NLGN1: variants seen among roughly 807,000 people sequenced by gnomAD.
NLGN1 encodes the protein neuroligin-1.
NLGN1 carries 12 observed loss-of-function variants against 65.5 expected under a neutral mutation model. The observed-to-expected ratio is 0.18, with a 90% confidence interval of 0.12 to 0.30. The LOEUF (loss-of-function observed/expected upper bound fraction) is 0.30, where lower values mean the gene tolerates loss of function less well. Among genes scored for constraint, NLGN1 ranks in the 10% least tolerant of loss-of-function variants. The pLI is 1.00. For synonymous variants in NLGN1, 350 were observed against 359.5 expected, an observed-to-expected ratio of 0.97 and a Z score of 0.30; for missense variants, 750 against 1,007.1, an observed-to-expected ratio of 0.74 and a Z score of 3.46.
chr3:173,868,730 G>A (rs776353586), intron 4 of NLGN1, among the ~76,000 whole-genome samples: 18 of 152,080 alleles, frequency 1.2e-4, no homozygotes, highest in Non-Finnish European at 1.3e-4. Context: ...GACTTTACTG[G>A]GGCCCTATCT....
chr3:173,813,184 G>C (rs1412970494), intron 4 of NLGN1, among the ~76,000 whole-genome samples: 2 of 152,022 alleles, frequency 1.3e-5, no homozygotes, highest in African/African-American at 2.4e-5. Flanking sequence ...ATGATTTAAA[G>C]AGCAAAGCAT....
the NLGN1 span, among the ~76,000 whole-genome samples, chr3:174,293,764 T>C: frequency 6.6e-6 from 1 of 151,056 alleles, no homozygotes; most frequent in Non-Finnish European, 1.5e-5. Flanking sequence ...AGCTGGGGAG[T>C]TGTAGAAAGA....
At chr3:173,709,497 A>G (rs1768578179) in intron 3 of NLGN1, among the ~76,000 whole-genome samples, 2 of 152,134 alleles carry the variant, frequency 1.3e-5, no homozygotes, top group Non-Finnish European at 2.9e-5. Flanking sequence ...GTATCTAGGA[A>G]AGCATAAGAA....
At chr3:173,670,533 A>G (rs1762314971) in intron 3 of NLGN1, among the ~76,000 whole-genome samples, 1 of 152,098 alleles carries the variant, frequency 6.6e-6, no homozygotes, top group African/African-American at 2.4e-5. Flanking sequence ...TTTTTTTCAG[A>G]AGTTCTATAA....
chr3:173,688,967 T>C (rs1038855503), intron 3 of NLGN1, among the ~76,000 whole-genome samples: 1 of 152,226 alleles, frequency 6.6e-6, no homozygotes, highest in Non-Finnish European at 1.5e-5. Context: ...TGTCTGCATT[T>C]AGTCACCTTC....
chr3:174,291,530 G>A (rs1345314157), downstream of NLGN1, among the ~76,000 whole-genome samples: 3 of 151,156 alleles, frequency 2.0e-5, no homozygotes, highest in Non-Finnish European at 3.0e-5. Flanking sequence ...AGACTCTTTT[G>A]TTATATAATT....
chr3:174,247,711 C>A (rs1223973991), intron 4 of NLGN1, among the ~76,000 whole-genome samples: 1 of 152,256 alleles, frequency 6.6e-6, no homozygotes, highest in South Asian at 2.1e-4. Context: ...CCCAAGCCAA[C>A]AAACAGTCCA....
intron 4 of NLGN1, among the ~76,000 whole-genome samples, chr3:173,918,757 A>T (rs775507099): frequency 4.9e-5 from 7 of 142,214 alleles, no homozygotes; most frequent in Non-Finnish European, 1.1e-4. Context: ...TATTGCCTTT[A>T]TTGAGTGTAT....
At chr3:173,659,275 G>A (rs4630967) in intron 3 of NLGN1, among the ~76,000 whole-genome samples, 2,848 of 152,078 alleles carry the variant, frequency 0.019, 97 homozygotes, top group African/African-American at 0.063. Flanking sequence ...ATACTCAATG[G>A]TGATGTATAA....
At chr3:173,849,291 G>A (rs142277400) in intron 4 of NLGN1, among the ~76,000 whole-genome samples, 62 of 151,968 alleles carry the variant, frequency 4.1e-4, no homozygotes, top group African/African-American at 1.4e-3. Flanking sequence ...ATTCATATTG[G>A]TTAGTCACCT....
At chr3:173,461,683 T>TC (rs58379117) in intron 2 of NLGN1, among the ~76,000 whole-genome samples, 25,275 of 152,128 alleles carry the variant, frequency 0.17, 2,172 homozygotes, top group Middle Eastern at 0.26. Context: ...TTGAATCATG[T>TC]CCGGTTACTC....
intron 3 of NLGN1, among the ~76,000 whole-genome samples, chr3:173,687,030 G>C (rs1764791205): frequency 6.6e-6 from 1 of 152,156 alleles, no homozygotes; most frequent in Non-Finnish European, 1.5e-5. Context: ...AAGTATCCAG[G>C]AGGAGTGGTT....
chr3:173,999,823 G>A (rs1251628565), intron 4 of NLGN1, among the ~76,000 whole-genome samples: 1 of 152,106 alleles, frequency 6.6e-6, no homozygotes, highest in Non-Finnish European at 1.5e-5. Context: ...CCCTTGAAGA[G>A]TGAAAACATG....
At chr3:173,748,685 T>C (rs1295496134) in intron 3 of NLGN1, among the ~76,000 whole-genome samples, 1 of 152,152 alleles carries the variant, frequency 6.6e-6, no homozygotes, top group African/African-American at 2.4e-5. Flanking sequence ...GAAAACTGCT[T>C]GTCTTTGGTC....
chr3:173,992,120 G>A (rs1721244341), intron 4 of NLGN1, among the ~76,000 whole-genome samples: 1 of 151,856 alleles, frequency 6.6e-6, no homozygotes, highest in Non-Finnish European at 1.5e-5. Context: ...AAGATCTCTA[G>A]AATAATGACT....
chr3:173,882,085 C>A (rs536357598), intron 4 of NLGN1, among the ~76,000 whole-genome samples: 1 of 151,536 alleles, frequency 6.6e-6, no homozygotes, highest in African/African-American at 2.4e-5. Context: ...CATCAGAGTT[C>A]CTAGGTGACA....
At chr3:174,061,814 T>C (rs542280324) in intron 4 of NLGN1, among the ~76,000 whole-genome samples, 194 of 152,212 alleles carry the variant, frequency 1.3e-3, no homozygotes, top group African/African-American at 4.5e-3. Context: ...CATTGAATAT[T>C]CCCTGGTTGC....
intron 1 of NLGN1, among the ~76,000 whole-genome samples, chr3:173,418,168 A>C (rs1239902993): frequency 7.0e-6 from 1 of 143,478 alleles, no homozygotes; most frequent in Admixed American, 7.1e-5. Flanking sequence ...AATATGTGAA[A>C]TATTAGAAGG....
chr3:174,234,578 T>A (rs1741309711), intron 4 of NLGN1, among the ~76,000 whole-genome samples: 1 of 152,184 alleles, frequency 6.6e-6, no homozygotes, highest in Non-Finnish European at 1.5e-5. Context: ...ATGAAGCTGA[T>A]GAGCACTAGT....
Sources: allele counts gnomAD v4.1 joint callset (sites outside exome capture counted in the v4.1 genomes callset), GRCh38; gene constraint gnomAD v4.1.1; transcripts MANE v1.5; gene names NCBI Gene and HGNC (gene_info 2026-07-23, HGNC 2026-07-21).